Variants in ZNF804A observed in about 807,000 individuals in gnomAD.
The protein encoded by ZNF804A is zinc finger protein 804A.
A neutral mutation model predicts 16.5 loss-of-function variants in ZNF804A; 2 were observed. The ratio of observed to expected loss-of-function variants is 0.12; its 90% CI spans 0.05 to 0.38. The LOEUF (loss-of-function observed/expected upper bound fraction) is 0.38. Ranked by LOEUF, ZNF804A falls within the 10% of genes least tolerant of loss-of-function variation. The pLI, the probability that ZNF804A is intolerant of heterozygous loss-of-function variation, is 0.99. For missense variants in ZNF804A, 1,473 were observed against 1,390.7 expected, an observed-to-expected ratio of 1.06 and a Z score of -0.94; for synonymous variants, 534 against 489.6, an observed-to-expected ratio of 1.09 and a Z score of -1.20.
At chr2:184,651,907 A>T (rs1691989940) in intron 1 of ZNF804A, among the ~76,000 whole-genome samples, 1 of 152,164 alleles carries the variant, frequency 6.6e-6, no homozygotes, top group Non-Finnish European at 1.5e-5. Flanking sequence ...GTTATAACAG[A>T]GCTACGGTTC....
intron 1 of ZNF804A, among the ~76,000 whole-genome samples, chr2:184,605,519 A>G (rs1691131144): frequency 6.6e-6 from 1 of 152,162 alleles, no homozygotes; most frequent in Non-Finnish European, 1.5e-5. Context: ...CAAAAAAGAA[A>G]AAAAGCACAT....
intron 1 of ZNF804A, among the ~76,000 whole-genome samples, chr2:184,670,250 T>C (rs1284841361): frequency 6.6e-6 from 1 of 152,120 alleles, no homozygotes; most frequent in East Asian, 1.9e-4. Flanking sequence ...ATGTATTTAA[T>C]TGTTGGTTTG....
At chr2:184,895,424 G>A (rs1243944036) in intron 2 of ZNF804A, among the ~76,000 whole-genome samples, 1 of 152,118 alleles carries the variant, frequency 6.6e-6, no homozygotes, top group Non-Finnish European at 1.5e-5. Flanking sequence ...CATGCTCTCT[G>A]ATATGCAGAT....
In ZNF804A at chr2:184,852,468, T is replaced by G. The variant is rs1274405019; in HGVS notation, c.112-13901T>G. On this transcript the variant is annotated intron_variant, in intron 1 of 3. Coordinates refer to ENST00000302277, the MANE Select transcript of ZNF804A (RefSeq NM_194250.2). Reference sequence around the variant, plus strand: ...AGGTTATCTCATTTGACTATGCTTTTTTTTTTTTTTTTTTGGCCTGTGCTT... The same window carrying G: ...AGGTTATCTCATTTGACTATGCTTTGTTTTTTTTTTTTTTGGCCTGTGCTT... Among the ~76,000 whole-genome samples, 18 of 150,188 alleles carry G rather than the reference T, an allele frequency of 1.2e-4. No individual in the cohort carries two copies. The East Asian group carries it at 3.5e-3, about 29-fold the overall frequency.
At position 184,598,930 on chromosome 2, in the gene ZNF804A, G is replaced by C; in HGVS notation, c.-30G>C. The C allele has an allele frequency of 6.8e-7, 1 of 1,464,598 alleles. No individual in the cohort carries two copies. The highest frequency in any genetic ancestry group is 1.5e-5 in the African/African-American group (1 of 68,670). The allele number at this position is 1,464,598 out of a possible 1,614,324, so 90.7% of individuals were successfully genotyped here. On this transcript the variant is annotated 5_prime_UTR_variant, in exon 1 of 4. Transcript: ENST00000302277. ...TGGGCGCGGGGTGCGTGGAAGCGGC[G>C]GCTGCGGCGGAGGAGGCGGCGGCTG...
intron 1 of ZNF804A, among the ~76,000 whole-genome samples, chr2:184,708,431 T>C (rs1693067746): frequency 6.6e-6 from 1 of 152,046 alleles, no homozygotes; most frequent in Admixed American, 6.6e-5. Context: ...AACAGCTTGG[T>C]ACTGGCAGAA....
At chr2:184,615,931 G>A (rs1156815437) in intron 1 of ZNF804A, among the ~76,000 whole-genome samples, 1 of 152,104 alleles carries the variant, frequency 6.6e-6, no homozygotes, top group Non-Finnish European at 1.5e-5. Context: ...ATCCAGCTAT[G>A]TTGTTTCTAG....
intron 1 of ZNF804A, among the ~76,000 whole-genome samples, chr2:184,829,904 A>AAAC: frequency 8.5e-6 from 1 of 117,766 alleles, no homozygotes; most frequent in African/African-American, 3.6e-5. Flanking sequence ...TCTACCAAAA[A>AAAC]AAAAAAAAAA....
intron 1 of ZNF804A, among the ~76,000 whole-genome samples, chr2:184,734,428 G>A (rs1693577230): frequency 6.6e-6 from 1 of 152,030 alleles, no homozygotes; most frequent in African/African-American, 2.4e-5. Context: ...TGACTTATGT[G>A]TTATTTAGAA....
chr2:184,933,597 T>C lies in ZNF804A; in HGVS notation c.256-6T>C, dbSNP rs1179326002. On this transcript the variant is annotated splice_region_variant and splice_polypyrimidine_tract_variant and intron_variant, in intron 2 of 3. Transcript: ENST00000302277. ...AATTAATCATTTTCCAACTTTTTTT[T>C]AACAGAGGCTCAAGGAACTGAAACA... 2.2e-5 allele frequency: 35 copies of C among 1,575,804 alleles called. No homozygotes were observed. The highest frequency in any genetic ancestry group is 3.0e-5 in the Non-Finnish European group (35 of 1,169,424).
At chr2:184,880,149 C>CT (rs1271596308) in intron 2 of ZNF804A, among the ~76,000 whole-genome samples, 2 of 151,828 alleles carry the variant, frequency 1.3e-5, no homozygotes, top group Non-Finnish European at 2.9e-5. Context: ...AGATGGAGCC[C>CT]TTTTGGGAAA....
At chr2:184,786,471 T>A (rs1424578160) in intron 1 of ZNF804A, among the ~76,000 whole-genome samples, 1 of 152,038 alleles carries the variant, frequency 6.6e-6, no homozygotes, top group African/African-American at 2.4e-5. Context: ...ACTAAATCTT[T>A]ATAATAGTAC....
At chr2:184,851,762 T>C (rs1695606497) in intron 1 of ZNF804A, among the ~76,000 whole-genome samples, 1 of 151,890 alleles carries the variant, frequency 6.6e-6, no homozygotes, top group Admixed American at 6.6e-5. Context: ...GGAATCTCCA[T>C]ATTGTTTTGC....
chr2:184,868,812 G>A (rs191257989), intron 2 of ZNF804A, among the ~76,000 whole-genome samples: 2 of 151,986 alleles, frequency 1.3e-5, no homozygotes, highest in Non-Finnish European at 2.9e-5. Flanking sequence ...TTAAGACAAA[G>A]CAAATGAGCA....
intron 1 of ZNF804A, among the ~76,000 whole-genome samples, chr2:184,809,741 C>A (rs951715189): frequency 6.6e-6 from 1 of 151,620 alleles, no homozygotes; most frequent in African/African-American, 2.4e-5. Context: ...TCTATATATG[C>A]GTGTATGAAT....
At chr2:184,625,002 G>C (rs1350069595) in intron 1 of ZNF804A, among the ~76,000 whole-genome samples, 1 of 152,044 alleles carries the variant, frequency 6.6e-6, no homozygotes, top group African/African-American at 2.4e-5. Context: ...TGTTGCTTCT[G>C]ATCATTAAAA....
intron 2 of ZNF804A, among the ~76,000 whole-genome samples, chr2:184,923,266 C>A (rs575320685): frequency 6.6e-6 from 1 of 151,700 alleles, no homozygotes; most frequent in Non-Finnish European, 1.5e-5. Flanking sequence ...AAATCTTTTA[C>A]TTCTTTGGTT....
At chr2:184,697,521 A>C (rs896160367) in intron 1 of ZNF804A, among the ~76,000 whole-genome samples, 7 of 152,122 alleles carry the variant, frequency 4.6e-5, no homozygotes, top group African/African-American at 1.7e-4. Context: ...TTAAGTACAG[A>C]ATTAGAATCA....
At position 184,750,055 on chromosome 2, in the gene ZNF804A, C is replaced by T. The variant is rs140558116; in HGVS notation, c.112-116314C>T. Among the ~76,000 whole-genome samples, 17 of 151,450 alleles carry T rather than the reference C, an allele frequency of 1.1e-4. No homozygotes were observed. In the East Asian group the frequency reaches 3.3e-3, roughly 29 times the overall value. On this transcript the variant is annotated intron_variant, in intron 1 of 3. Coordinates refer to ENST00000302277, the MANE Select transcript of ZNF804A (RefSeq NM_194250.2). ...TCAGAAAGTTCAAGCTTGGGTATTA[C>T]TGAAGTTACATCGAGACTGTATATA...
Sources: gnomAD v4.1 joint callset for allele counts (sites outside exome capture counted in the v4.1 genomes callset) on GRCh38, gnomAD v4.1.1 for gene constraint, MANE v1.5 for transcripts, NCBI Gene and HGNC (gene_info 2026-07-23, HGNC 2026-07-21) for gene names.